NCKAP5: variants seen among roughly 807,000 people sequenced by gnomAD.
The protein encoded by NCKAP5 is NCK associated protein 5.
Under a neutral mutation model 167.0 loss-of-function variants are expected in NCKAP5, and 92 were observed. The observed-to-expected ratio is 0.55, with a 90% CI of 0.47 to 0.66. The LOEUF is 0.66. Ranked by LOEUF, NCKAP5 falls within the 30% of genes least tolerant of loss-of-function variation. NCKAP5 has a pLI of 0.00. For missense variants in NCKAP5, 2,378 were observed against 2,315.0 expected (o/e 1.03, Z -0.56); for synonymous variants, 891 against 877.4 (o/e 1.02, Z -0.27).
intron 4 of NCKAP5, among the ~76,000 whole-genome samples, chr2:133,235,240 G>T (rs2150268256): frequency 6.6e-6 from 1 of 152,212 alleles, no homozygotes; most frequent in South Asian, 2.1e-4. Flanking sequence ...GTCCCTTGCA[G>T]ACTTGCACAG....
At chr2:133,565,087 A>G (rs1222985351) in intron 1 of NCKAP5, among the ~76,000 whole-genome samples, 1 of 152,208 alleles carries the variant, frequency 6.6e-6, no homozygotes, top group East Asian at 1.9e-4. Context: ...TGCATGCAAG[A>G]TATGGAGGAT....
At chr2:133,557,249 G>A (rs1049023199) in intron 2 of NCKAP5, among the ~76,000 whole-genome samples, 3 of 152,132 alleles carry the variant, frequency 2.0e-5, no homozygotes, top group Non-Finnish European at 4.4e-5. Flanking sequence ...TTGCACGCTT[G>A]GCACCTGGAA....
chr2:133,276,206 A>T (rs554643977), intron 4 of NCKAP5, among the ~76,000 whole-genome samples: 1 of 152,298 alleles, frequency 6.6e-6, no homozygotes, highest in East Asian at 1.9e-4. Context: ...ACTGCAGTAT[A>T]TAACACACAT....
chr2:133,193,796 T>A (rs1453673511), intron 5 of NCKAP5, among the ~76,000 whole-genome samples: 2 of 152,126 alleles, frequency 1.3e-5, no homozygotes, highest in Non-Finnish European at 2.9e-5. Context: ...GTAGTCTCTG[T>A]GTCACTTGGA....
At chr2:133,369,328 G>C (rs1685652766) in intron 3 of NCKAP5, among the ~76,000 whole-genome samples, 1 of 152,218 alleles carries the variant, frequency 6.6e-6, no homozygotes, top group Non-Finnish European at 1.5e-5. Flanking sequence ...ATCAGGATCA[G>C]ACATGGAAGC....
chr2:132,934,585 T>A (rs1419570900), intron 8 of NCKAP5, among the ~76,000 whole-genome samples: 1 of 151,714 alleles, frequency 6.6e-6, no homozygotes, highest in Admixed American at 6.6e-5. Flanking sequence ...CAAAGAAAAT[T>A]TTGTAAAAAA....
At chr2:133,035,568 C>T (rs555237655) in intron 6 of NCKAP5, among the ~76,000 whole-genome samples, 18 of 151,920 alleles carry the variant, frequency 1.2e-4, no homozygotes, top group African/African-American at 4.1e-4. Flanking sequence ...TCTTCTCTGA[C>T]TACAATGGAA....
rs2087240434 is a variant in NCKAP5, at chr2:133,233,296, G to T, written c.144-19517C>A. 1.3e-5 allele frequency among the ~76,000 whole-genome samples: 2 copies of T among 152,132 alleles called. 1 individual carries two copies. Among genetic ancestry groups the T allele is most frequent in the African/African-American group, 4.8e-5 (2 of 41,428 alleles). On this transcript the variant is annotated intron_variant, in intron 4 of 19. Coordinates refer to ENST00000409261, the MANE Select transcript of NCKAP5 (RefSeq NM_207363.3). Reference sequence around the variant, plus strand: ...TATGGTCCCTGCCCTCCGAAAGCTAGAAGTTGTTAAACACTACTTTGGTCA... The same window carrying T: ...TATGGTCCCTGCCCTCCGAAAGCTATAAGTTGTTAAACACTACTTTGGTCA...
chr2:133,258,695 G>A (rs1022246758), intron 4 of NCKAP5, among the ~76,000 whole-genome samples: 3 of 151,516 alleles, frequency 2.0e-5, no homozygotes, highest in Non-Finnish European at 4.4e-5. Context: ...GCAGTGAGCC[G>A]AGATTGTGCC....
At chr2:133,061,382 A>T (rs1169152486) in intron 6 of NCKAP5, among the ~76,000 whole-genome samples, 9 of 152,182 alleles carry the variant, frequency 5.9e-5, no homozygotes, top group Non-Finnish European at 1.0e-4. Flanking sequence ...ATCTCATTTA[A>T]TCCTCAAAAC....
intron 17 of NCKAP5, among the ~76,000 whole-genome samples, chr2:132,730,052 C>G (rs894294864): frequency 6.6e-6 from 1 of 152,146 alleles, no homozygotes; most frequent in African/African-American, 2.4e-5. Context: ...AAAAGAGAAG[C>G]ACTGGAAAGT....
At chr2:133,292,458 C>CCAAATAAATCTA (rs1447748270) in intron 4 of NCKAP5, among the ~76,000 whole-genome samples, 27 of 152,034 alleles carry the variant, frequency 1.8e-4, no homozygotes, top group Non-Finnish European at 3.8e-4. Flanking sequence ...CTTTATTACC[C>CCAAATAAATCTA]CAAATAAATC....
intron 11 of NCKAP5, among the ~76,000 whole-genome samples, chr2:132,826,077 A>G (rs1335785947): frequency 1.3e-5 from 2 of 152,214 alleles, no homozygotes; most frequent in Non-Finnish European, 2.9e-5. Context: ...GAGGTAAGAG[A>G]TAACTAATCC....
intron 5 of NCKAP5, among the ~76,000 whole-genome samples, chr2:133,163,344 C>T (rs1415576103): frequency 6.6e-6 from 1 of 152,212 alleles, no homozygotes; most frequent in Non-Finnish European, 1.5e-5. Context: ...CCATTTATCG[C>T]AGGCTCAAAT....
At chr2:132,960,495 T>G (rs1419325352) in intron 8 of NCKAP5, among the ~76,000 whole-genome samples, 1 of 152,132 alleles carries the variant, frequency 6.6e-6, no homozygotes, top group East Asian at 1.9e-4. Context: ...CTCCAGAATA[T>G]TCTGCCATGA....
intron 5 of NCKAP5, among the ~76,000 whole-genome samples, chr2:133,141,708 C>T (rs376985283): frequency 5.8e-4 from 89 of 152,214 alleles, no homozygotes; most frequent in African/African-American, 1.9e-3. Flanking sequence ...TCACACTTCC[C>T]GTTTCATTGT....
At chr2:133,652,306 G>A in the NCKAP5 span, among the ~76,000 whole-genome samples, 1 of 152,214 alleles carries the variant, frequency 6.6e-6, no homozygotes, top group Non-Finnish European at 1.5e-5. Flanking sequence ...CAAGGCAACG[G>A]AAGAGGGTGT....
intron 3 of NCKAP5, among the ~76,000 whole-genome samples, chr2:133,341,992 G>A (rs952020623): frequency 1.3e-5 from 2 of 152,060 alleles, no homozygotes; most frequent in African/African-American, 2.4e-5. Context: ...AGGCTGGAGT[G>A]CAGCGGTGCG....
rs111958941 is a variant in NCKAP5, at chr2:133,263,577, G to A, written c.143+39460C>T. 2.7e-3 allele frequency among the ~76,000 whole-genome samples: 415 copies of A among 152,164 alleles called. 1 individual carries two copies. The highest frequency in any genetic ancestry group is 8.7e-3 in the African/African-American group (360 of 41,516). ...AACCAAAATTTATGACTATCAGCTAGCATTATAAAAACCATTTCTGGAGGA... is the reference window on the plus strand; with the variant it reads ...AACCAAAATTTATGACTATCAGCTAACATTATAAAAACCATTTCTGGAGGA... On this transcript the variant is annotated intron_variant, in intron 4 of 19. Coordinates refer to ENST00000409261, the MANE Select transcript of NCKAP5 (RefSeq NM_207363.3).
Sources: gnomAD v4.1 joint callset for allele counts (sites outside exome capture counted in the v4.1 genomes callset) on GRCh38, gnomAD v4.1.1 for gene constraint, MANE v1.5 for transcripts, NCBI Gene and HGNC (gene_info 2026-07-23, HGNC 2026-07-21) for gene names.